NUP210L: variants seen among roughly 807,000 people sequenced by gnomAD.
NUP210L encodes nucleoporin 210 like.
In NUP210L, 74 loss-of-function variants were observed where a neutral mutation model predicts 208.5. That is an observed-to-expected ratio of 0.35 (90% CI 0.29 to 0.43). The LOEUF is 0.43. Ranked by LOEUF, NUP210L falls within the 20% of genes least tolerant of loss-of-function variation. The pLI, the probability that NUP210L is intolerant of heterozygous loss-of-function variation, is 1.00. For missense variants in NUP210L, 1,843 were observed against 2,289.4 expected (o/e 0.81, Z 3.98); for synonymous variants, 780 against 816.9 (o/e 0.95, Z 0.77).
At chr1:154,132,355 C>T (rs182010959) in intron 7 of NUP210L, among the ~76,000 whole-genome samples, 254 of 152,292 alleles carry the variant, frequency 1.7e-3, no homozygotes, top group Non-Finnish European at 2.8e-3. Flanking sequence ...TCTTGATCCT[C>T]AATCTTTCTC....
intron 38 of NUP210L, among the ~76,000 whole-genome samples, chr1:153,993,602 A>T (rs1460263308): frequency 1.3e-5 from 2 of 149,938 alleles, no homozygotes; most frequent in Non-Finnish European, 1.5e-5. Flanking sequence ...GGAGTAGACA[A>T]TAGTGTTGTG....
At chr1:154,134,001 T>G (rs1012468098) in intron 7 of NUP210L, among the ~76,000 whole-genome samples, 33 of 151,608 alleles carry the variant, frequency 2.2e-4, no homozygotes, top group Non-Finnish European at 4.0e-4. Flanking sequence ...AATACAAAAA[T>G]TAGCCGGGCA....
intron 22 of NUP210L, 76 bp from the exon 23 acceptor site, chr1:154,057,023 G>A: frequency 1.4e-6 from 2 of 1,460,528 alleles, no homozygotes; most frequent in Non-Finnish European, 1.9e-6. Context: ...CTGTCGCCCA[G>A]GCTGGAGTGC....
chr1:153,994,081 T>G (rs1557899095), intron 38 of NUP210L, among the ~76,000 whole-genome samples: 1 of 152,096 alleles, frequency 6.6e-6, no homozygotes, highest in Non-Finnish European at 1.5e-5. Context: ...AGTCTCTCTG[T>G]GTTGCCCAGG....
At chr1:154,000,304 C>T (rs1430222326) in intron 37 of NUP210L, among the ~76,000 whole-genome samples, 1 of 152,132 alleles carries the variant, frequency 6.6e-6, no homozygotes, top group Admixed American at 6.6e-5. Context: ...ACATCTGTCC[C>T]CCCATATCTG....
At chr1:154,135,817 T>C (rs1015793491) in exon 7 of NUP210L, 3 of 1,613,940 alleles carry the variant, frequency 1.9e-6, no homozygotes, top group African/African-American at 2.7e-5. Flanking sequence ...AGGATACTTT[T>C]ATGGACAAAG....
intron 13 of NUP210L, among the ~76,000 whole-genome samples, chr1:154,101,291 TA>T (rs1368214665): frequency 6.7e-6 from 1 of 149,842 alleles, no homozygotes; most frequent in Non-Finnish European, 1.5e-5. Flanking sequence ...GCCTGGCCAA[TA>T]TGGTGAAACC....
At chr1:154,077,599 T>C (rs1336323713) in intron 16 of NUP210L, among the ~76,000 whole-genome samples, 1 of 152,102 alleles carries the variant, frequency 6.6e-6, no homozygotes, top group African/African-American at 2.4e-5. Flanking sequence ...CATGAAGAAA[T>C]AATCTGGAAA....
intron 16 of NUP210L, among the ~76,000 whole-genome samples, chr1:154,082,390 T>G (rs1283106121): frequency 3.3e-5 from 5 of 152,186 alleles, no homozygotes; most frequent in Non-Finnish European, 7.3e-5. Context: ...TAAATGCGTA[T>G]GTACCTAATA....
chr1:154,099,955 T>A, intron 14 of NUP210L, 43 bp downstream of exon 14: 1 of 1,597,076 alleles, frequency 6.3e-7, no homozygotes, highest in Non-Finnish European at 8.6e-7. Flanking sequence ...CATAGTTAAG[T>A]CCATTAAAAG....
At chr1:154,012,462 T>C in intron 33 of NUP210L, 92 bp from the exon 34 acceptor site, 3 of 1,244,932 alleles carry the variant, frequency 2.4e-6, no homozygotes, top group South Asian at 1.4e-5. Flanking sequence ...TAACCAAAAG[T>C]ATCTGTTTCA....
At chr1:154,034,387 T>C (rs1652418085) in intron 27 of NUP210L, among the ~76,000 whole-genome samples, 1 of 152,148 alleles carries the variant, frequency 6.6e-6, no homozygotes, top group Non-Finnish European at 1.5e-5. Context: ...TGGAGTGCAG[T>C]GGCATGATCT....
At chr1:154,134,322 TA>T (rs889889882) in intron 7 of NUP210L, among the ~76,000 whole-genome samples, 1 of 151,336 alleles carries the variant, frequency 6.6e-6, no homozygotes, top group African/African-American at 2.4e-5. Flanking sequence ...AAATACCAAA[TA>T]AAACACAGAG....
At chr1:154,107,311 T>G (rs1205212797) in intron 12 of NUP210L, among the ~76,000 whole-genome samples, 1 of 151,012 alleles carries the variant, frequency 6.6e-6, no homozygotes, top group African/African-American at 2.4e-5. Flanking sequence ...CTGTCTCTAC[T>G]AAAAATACAA....
intron 27 of NUP210L, among the ~76,000 whole-genome samples, chr1:154,044,962 A>G (rs1357141755): frequency 6.6e-6 from 1 of 152,112 alleles, no homozygotes; most frequent in East Asian, 1.9e-4. Context: ...TCAGAGAAAT[A>G]TACTCTCAAG....
intron 27 of NUP210L, among the ~76,000 whole-genome samples, chr1:154,043,376 G>A (rs150061494): frequency 0.015 from 2,292 of 150,980 alleles, 54 homozygotes; most frequent in African/African-American, 0.051. Flanking sequence ...GTGCAATGGC[G>A]TAATCTCAGT....
At chr1:154,099,942 A>C (rs1324190466) in intron 14 of NUP210L, 56 bp downstream of exon 14, 11 of 1,543,322 alleles carry the variant, frequency 7.1e-6, no homozygotes, top group Non-Finnish European at 9.8e-6. Flanking sequence ...GCCCATAAGC[A>C]GACATAGTTA....
chr1:154,003,946 G>GGATATTGCAATAATATTGGATATTGCA (rs1449985513), intron 35 of NUP210L, among the ~76,000 whole-genome samples: 9 of 151,862 alleles, frequency 5.9e-5, no homozygotes, highest in African/African-American at 1.9e-4. Flanking sequence ...TATTGCAATT[G>GGATATTGCAATAATATTGGATATTGCA]GATAATTATG....
At chr1:154,045,969 A>G in intron 27 of NUP210L, 100 bp downstream of exon 27, 1 of 1,097,658 alleles carries the variant, frequency 9.1e-7, no homozygotes, top group Non-Finnish European at 1.3e-6. Flanking sequence ...TGGGGGACAG[A>G]GTGAGACCTC....
Sources: gnomAD v4.1 joint callset for allele counts (sites outside exome capture counted in the v4.1 genomes callset) on GRCh38, gnomAD v4.1.1 for gene constraint, MANE v1.5 for transcripts, NCBI Gene and HGNC (gene_info 2026-07-23, HGNC 2026-07-21) for gene names.